Variants in CAMTA1 observed in about 807,000 individuals in gnomAD.
The protein encoded by CAMTA1 is calmodulin-binding transcription activator 1.
In CAMTA1, 27 loss-of-function variants were observed where a neutral mutation model predicts 170.9. The ratio of observed to expected loss-of-function variants is 0.16; its 90% CI spans 0.12 to 0.22. CAMTA1 has a LOEUF of 0.22. Ranked by LOEUF, CAMTA1 falls within the 10% of genes least tolerant of loss-of-function variation. The pLI is 1.00. For synonymous variants in CAMTA1, 833 were observed against 891.5 expected (o/e 0.93, Z 1.17); for missense variants, 1,619 against 2,217.2 (o/e 0.73, Z 5.42).
At position 7,333,554 on chromosome 1, in the gene CAMTA1, T is replaced by A. The variant is rs1317363511; in HGVS notation, c.438+83928T>A. The stretch of plus-strand genomic sequence containing the variant: ...GCTCCTGCCATGCGCAGCCAAGGCA[T>A]TGGATCTTCATATTGGATCCAGGAA... On this transcript the variant is annotated intron_variant, in intron 5 of 22. Coordinates refer to ENST00000303635, the MANE Select transcript of CAMTA1 (RefSeq NM_015215.4). This position sits in a 1 kb window ranked among gnomAD's most constrained non-coding sequence, Gnocchi z 4.4. Among the ~76,000 whole-genome samples the A allele has an allele frequency of 6.6e-6, 1 of 152,180 alleles. No individual in the cohort carries two copies. Among genetic ancestry groups the A allele is most frequent in the African/African-American group, 2.4e-5 (1 of 41,450 alleles).
At chr1:6,819,328 G>A (rs1646221596) in intron 1 of CAMTA1, among the ~76,000 whole-genome samples, 1 of 151,620 alleles carries the variant, frequency 6.6e-6, no homozygotes, top group South Asian at 2.1e-4. Flanking sequence ...AGTTACCGTT[G>A]TGTAGGTTTT....
intron 7 of CAMTA1, among the ~76,000 whole-genome samples, chr1:7,656,509 G>A (rs560924250): frequency 7.7e-4 from 117 of 152,230 alleles, no homozygotes; most frequent in Non-Finnish European, 1.4e-3. Flanking sequence ...CAGTCACATT[G>A]GTGGTTAGGG....
At chr1:7,702,481 G>C (rs1326388526) in intron 11 of CAMTA1, among the ~76,000 whole-genome samples, 1 of 152,144 alleles carries the variant, frequency 6.6e-6, no homozygotes, top group Non-Finnish European at 1.5e-5. Context: ...TTAGAGTACA[G>C]AGGCAGGCGC....
At chr1:7,622,820 G>A (rs1024385727) in intron 6 of CAMTA1, among the ~76,000 whole-genome samples, 6 of 152,270 alleles carry the variant, frequency 3.9e-5, no homozygotes, top group East Asian at 1.9e-4. Flanking sequence ...CCAGACAGAT[G>A]TGGAGCCGCC....
At chr1:6,812,175 G>GGAGAAGCGTTGCTGCATTATTAGGGA (rs1645248470) in intron 1 of CAMTA1, among the ~76,000 whole-genome samples, 1 of 152,182 alleles carries the variant, frequency 6.6e-6, no homozygotes, top group Non-Finnish European at 1.5e-5. Context: ...GCTGCTTTGT[G>GGAGAAGCGTTGCTGCATTATTAGGGA]GAGAAGCGTT....
chr1:7,699,013 T>C (rs542046189), intron 11 of CAMTA1: 1 of 152,366 alleles, frequency 6.6e-6, no homozygotes, highest in Non-Finnish European at 1.5e-5. Flanking sequence ...CCTAGCTTTT[T>C]CCGTCGGTCA....
At chr1:7,661,892 G>A (rs1206920631) in intron 8 of CAMTA1, 26 bp downstream of exon 8, 71 of 1,575,970 alleles carry the variant, frequency 4.5e-5, no homozygotes, top group Non-Finnish European at 5.4e-5. Context: ...CGGGGCAGGC[G>A]GGCGCCACGG....
At chr1:6,984,761 C>T (rs79080721) in intron 3 of CAMTA1, among the ~76,000 whole-genome samples, 2,382 of 152,324 alleles carry the variant, frequency 0.016, 64 homozygotes, top group African/African-American at 0.055. Flanking sequence ...CCTCAGCTGC[C>T]GATGGCTGGG....
chr1:7,526,560 T>C (rs986233689), intron 6 of CAMTA1, among the ~76,000 whole-genome samples: 4 of 152,112 alleles, frequency 2.6e-5, no homozygotes, highest in African/African-American at 4.8e-5. Flanking sequence ...GCAAGAGCCA[T>C]TGGAAGGCGG....
chr1:7,409,693 C>T (rs1343590975), intron 5 of CAMTA1, among the ~76,000 whole-genome samples: 1 of 152,056 alleles, frequency 6.6e-6, no homozygotes, highest in African/African-American at 2.4e-5. Flanking sequence ...GCTAATTCTG[C>T]CCAAGGCCAC....
intron 5 of CAMTA1, among the ~76,000 whole-genome samples, chr1:7,441,766 T>G (rs899772177): frequency 1.3e-5 from 2 of 152,148 alleles, no homozygotes; most frequent in African/African-American, 4.8e-5. Context: ...CTCAGTGTGC[T>G]TGTTCGTCTC....
intron 3 of CAMTA1, among the ~76,000 whole-genome samples, chr1:7,046,066 C>G (rs1283444836): frequency 1.3e-5 from 2 of 152,118 alleles, no homozygotes; most frequent in African/African-American, 4.8e-5. Flanking sequence ...GGAGGGGACC[C>G]CTTCATGAGA....
rs1281188672 is a variant in CAMTA1, at chr1:7,065,943, T to G, written c.235-25361T>G. On this transcript the variant is annotated intron_variant, in intron 3 of 22. Coordinates refer to ENST00000303635, the MANE Select transcript of CAMTA1 (RefSeq NM_015215.4). This position sits in a 1 kb window ranked among gnomAD's most constrained non-coding sequence, Gnocchi z 5.2. ...TAAACTTGACTGTGCCATTGGCGCT[T>G]GCTGGCAGCAGCTGAGCCTCAGGCA... Among the ~76,000 whole-genome samples the G allele has an allele frequency of 6.6e-6, 1 of 152,118 alleles. No homozygotes were observed. The highest frequency in any genetic ancestry group is 1.5e-5 in the Non-Finnish European group (1 of 68,016).
At chr1:7,081,295 C>T (rs552652254) in intron 3 of CAMTA1, among the ~76,000 whole-genome samples, 63 of 152,342 alleles carry the variant, frequency 4.1e-4, no homozygotes, top group African/African-American at 1.4e-3. Context: ...AGGTTCACGT[C>T]GTTGCTGTCT....
At chr1:7,407,484 G>T (rs2090385923) in intron 5 of CAMTA1, among the ~76,000 whole-genome samples, 1 of 152,178 alleles carries the variant, frequency 6.6e-6, no homozygotes, top group African/African-American at 2.4e-5. Flanking sequence ...CACCCATGGT[G>T]AGTTGGGAGG....
intron 3 of CAMTA1, among the ~76,000 whole-genome samples, chr1:6,943,784 T>A (rs1309679719): frequency 6.8e-6 from 1 of 147,634 alleles, no homozygotes; most frequent in Non-Finnish European, 1.5e-5. Context: ...GAGGCGGAGG[T>A]TGCAGTGAGC....
At chr1:7,174,547 T>A (rs551777671) in intron 4 of CAMTA1, among the ~76,000 whole-genome samples, 7 of 152,140 alleles carry the variant, frequency 4.6e-5, no homozygotes, top group Non-Finnish European at 8.8e-5. Context: ...GAAGCCACGA[T>A]TCGGGAGCTG....
At position 7,057,585 on chromosome 1, in the gene CAMTA1, G is replaced by A. The variant is rs377060423; in HGVS notation, c.235-33719G>A. 7.9e-5 allele frequency among the ~76,000 whole-genome samples: 12 copies of A among 152,082 alleles called. No individual in the cohort carries two copies. In the East Asian group the frequency reaches 1.9e-3, roughly 25 times the overall value. ...AGATGTCCAGCTGCCCAATGGACTA[G>A]TCTGACCCCGACAGGCTGAGAGCCT... On this transcript the variant is annotated intron_variant, in intron 3 of 22. Transcript: ENST00000303635.
intron 9 of CAMTA1, among the ~76,000 whole-genome samples, chr1:7,669,909 C>T (rs545283278): frequency 6.6e-6 from 1 of 152,372 alleles, no homozygotes; most frequent in South Asian, 2.1e-4. Context: ...TCTCTCATCA[C>T]TAAGCAGGAC....
Sources: allele counts gnomAD v4.1 joint callset (sites outside exome capture counted in the v4.1 genomes callset), GRCh38; gene constraint gnomAD v4.1.1; non-coding constraint Gnocchi (gnomAD v3.1); transcripts MANE v1.5; gene names NCBI Gene and HGNC (gene_info 2026-07-23, HGNC 2026-07-21).